Variants in MERTK observed in about 807,000 individuals in gnomAD.
The protein encoded by MERTK is tyrosine-protein kinase Mer.
MERTK carries 69 observed loss-of-function variants against 99.3 expected under a neutral mutation model. The ratio of observed to expected loss-of-function variants is 0.70; its 90% CI spans 0.57 to 0.85. The LOEUF (loss-of-function observed/expected upper bound fraction) is 0.85. MERTK is among the 40% of genes least tolerant of loss of function. The probability of loss-of-function intolerance (pLI) is 0.00; values close to 1 mark genes in which losing one functional copy is unlikely to be tolerated. For missense variants in MERTK, 1,125 were observed against 1,249.4 expected, an observed-to-expected ratio of 0.90 and a Z score of 1.50; for synonymous variants, 426 against 467.6, an observed-to-expected ratio of 0.91 and a Z score of 1.15.
At position 111,898,764 on chromosome 2, in the gene MERTK, T is replaced by C; in HGVS notation, c.29T>C (p.Leu10Pro). The C allele has an allele frequency of 1.2e-6, 2 of 1,604,548 alleles. No individual in the cohort carries two copies. The highest frequency in any genetic ancestry group is 1.7e-6 in the Non-Finnish European group (2 of 1,176,286). The change falls in exon 1 of 19, where the codon CTG becomes CCG. Residue 10 changes from leucine (L) to proline (P), a missense_variant. Coordinates refer to ENST00000295408, the MANE Select transcript of MERTK (RefSeq NM_006343.3). The part of the protein sequence containing the change: MGPAPLPLL[L>P]GLFLPALWRR... ...GGGCCGGCCCCGCTGCCGCTGCTGC[T>C]GGGCCTCTTCCTCCCCGCGCTCTGG...
At position 111,951,522 on chromosome 2, in the gene MERTK, C is replaced by CATAT. The variant is rs56410508; in HGVS notation, c.757+3979_757+3982dup. 3.2e-3 allele frequency among the ~76,000 whole-genome samples: 277 copies of CATAT among 85,852 alleles called. 18 individuals carry two copies. The highest frequency in any genetic ancestry group is 0.017 in the East Asian group (59 of 3,560). 56.3% of individuals were successfully genotyped at this position (85,852 alleles called of 152,430 possible). On this transcript the variant is annotated intron_variant, in intron 4 of 18. Transcript: ENST00000295408. ...TTTTGTACACGCTGAATAATATTCCCATATATATATATATATATATATATA... is the reference window on the plus strand; with the variant it reads ...TTTTGTACACGCTGAATAATATTCCCATATATATATATATATATATATATATATA...
At chr2:111,968,697 G>T (rs1379983874) in intron 6 of MERTK, among the ~76,000 whole-genome samples, 3 of 152,122 alleles carry the variant, frequency 2.0e-5, no homozygotes, top group East Asian at 3.8e-4. Flanking sequence ...GCCCGGCTAA[G>T]TTTGCATTTT....
intron 7 of MERTK, among the ~76,000 whole-genome samples, chr2:111,977,871 G>T (rs111260821): frequency 4.6e-5 from 7 of 151,994 alleles, no homozygotes; most frequent in African/African-American, 1.7e-4. Context: ...CTCATACACC[G>T]TAATTTTTAT....
At chr2:111,937,828 C>T (rs1684790673) in intron 2 of MERTK, among the ~76,000 whole-genome samples, 1 of 152,198 alleles carries the variant, frequency 6.6e-6, no homozygotes. Context: ...CTGTCGGCAC[C>T]ATGTGAACGG....
At chr2:111,997,510 G>A (rs778426526) in intron 10 of MERTK, 34 bp downstream of exon 10, 26 of 1,608,198 alleles carry the variant, frequency 1.6e-5, no homozygotes, top group Non-Finnish European at 2.0e-5. Context: ...TTGCCCACTG[G>A]TATTGACAAG....
chr2:111,970,811 TCC>T (rs1488172527), intron 6 of MERTK, among the ~76,000 whole-genome samples: 2 of 85,326 alleles, frequency 2.3e-5, no homozygotes, highest in South Asian at 5.3e-4. Flanking sequence ...CCCCTCCTCC[TCC>T]TCCTCCCTCC....
At chr2:111,993,170 T>C (rs779695745) in intron 8 of MERTK, among the ~76,000 whole-genome samples, 4 of 152,170 alleles carry the variant, frequency 2.6e-5, no homozygotes, top group Admixed American at 6.6e-5. Flanking sequence ...TGCTTGTTTT[T>C]TTCTGCAGGG....
chr2:111,973,277 C>G (rs928725679), intron 6 of MERTK, among the ~76,000 whole-genome samples: 1 of 152,084 alleles, frequency 6.6e-6, no homozygotes, highest in Non-Finnish European at 1.5e-5. Flanking sequence ...CCTCCACCTT[C>G]GCTTTGGTGG....
rs1553446636 is a variant in MERTK at position 111,925,275 on chromosome 2, G to GAGATATATATATATATATATATATAT, written c.62-3844_62-3843insGATATATATATATATATATATATATA. On this transcript the variant is annotated intron_variant, in intron 1 of 18. Coordinates refer to ENST00000295408, the MANE Select transcript of MERTK (RefSeq NM_006343.3). Reference sequence around the variant, plus strand: ...CTGGTAAATCAAATTGTACAGATCAGATATATATATATATATATTTTTTTT... The same window carrying GAGATATATATATATATATATATATAT: ...CTGGTAAATCAAATTGTACAGATCAGAGATATATATATATATATATATATATATATATATATATATATATTTTTTTT... 6.1e-4 allele frequency among the ~76,000 whole-genome samples: 32 copies of GAGATATATATATATATATATATATAT among 52,176 alleles called. 2 individuals carry two copies. The highest frequency in any genetic ancestry group is 2.9e-3 in the African/African-American group (30 of 10,494). The allele number at this position is 52,176 out of a possible 152,430, so 34.2% of individuals were successfully genotyped here.
In MERTK at chr2:111,997,474, T is replaced by C. The variant is rs758829783; in HGVS notation, c.1602T>C (p.Phe534=). 1.9e-6 allele frequency: 3 copies of C among 1,613,590 alleles called. No individual in the cohort carries two copies. Among genetic ancestry groups the C allele is most frequent in the South Asian group, 1.1e-5 (1 of 91,094 alleles). ...AIRKRVQETK[F]GNAFTEEDSE... Reference sequence around the variant, plus strand: ...GAAAAAGAGTCCAGGAGACAAAGTTTGGGTAAGTCTCCCAGCTAAAAATGT... The same window carrying C: ...GAAAAAGAGTCCAGGAGACAAAGTTCGGGTAAGTCTCCCAGCTAAAAATGT... The change falls in exon 10 of 19, where the codon TTT becomes TTC. Residue 534 remains phenylalanine, a splice_region_variant and synonymous_variant. Transcript: ENST00000295408.
Position 112,021,556 on chromosome 2 carries a change from G to T in MERTK, c.2324G>T (p.Arg775Leu). The T allele has an allele frequency of 2.0e-6, 3 of 1,512,598 alleles. No homozygotes were observed. Among genetic ancestry groups the T allele is most frequent in the Non-Finnish European group, 2.7e-6 (3 of 1,127,942 alleles). 93.7% of individuals were successfully genotyped at this position (1,512,598 alleles called of 1,614,324 possible). The change falls in exon 17 of 19, where the codon CGA (arginine) becomes CTA (leucine). Residue 775 changes from arginine (R) to leucine (L), a missense_variant. Physicochemically the swap from Arg to Leu is moderately radical, Grantham distance 102. Coordinates refer to ENST00000295408, the MANE Select transcript of MERTK (RefSeq NM_006343.3). ...ATCGCCATAGAAAGTCTTGCAGACC[G>T]AGTCTACACAAGTAAAAGTGATGTG... ...KWIAIESLAD[R>L]VYTSKSDVWA...
intron 17 of MERTK, 125 bp downstream of exon 17, chr2:112,021,706 C>T (rs1677354300): frequency 3.8e-6 from 3 of 799,638 alleles, no homozygotes; most frequent in Non-Finnish European, 6.0e-6. Context: ...GCAGCTTGCT[C>T]AGATCTCTTT....
At chr2:111,975,622 A>G in intron 7 of MERTK, 150 bp downstream of exon 7, 1 of 863,242 alleles carries the variant, frequency 1.2e-6, no homozygotes, top group Admixed American at 2.0e-5. Flanking sequence ...TGAAAATGGG[A>G]AAGATATTTC....
chr2:112,001,540 G>C (rs1278651633), intron 11 of MERTK, among the ~76,000 whole-genome samples: 1 of 152,202 alleles, frequency 6.6e-6, no homozygotes, highest in Non-Finnish European at 1.5e-5. Context: ...TGGCAGAAAA[G>C]AGGAACCTTC....
chr2:111,961,045 C>T (rs1047855043), intron 4 of MERTK, among the ~76,000 whole-genome samples: 32 of 151,670 alleles, frequency 2.1e-4, no homozygotes, highest in African/African-American at 7.3e-4. Flanking sequence ...TTCTAATTCA[C>T]TACACAAACT....
chr2:112,013,066 G>C (rs952717002), intron 15 of MERTK, among the ~76,000 whole-genome samples: 4 of 151,738 alleles, frequency 2.6e-5, no homozygotes, highest in Non-Finnish European at 4.4e-5. Context: ...TTCTTCCTAG[G>C]GACAGCTTAA....
At chr2:111,986,173 A>G (rs959716714) in intron 8 of MERTK, among the ~76,000 whole-genome samples, 7 of 152,252 alleles carry the variant, frequency 4.6e-5, no homozygotes, top group Non-Finnish European at 1.0e-4. Context: ...GTAAATGATC[A>G]TGGTATTAAT....
chr2:111,924,806 C>T (rs963566379), intron 1 of MERTK, among the ~76,000 whole-genome samples: 9 of 152,212 alleles, frequency 5.9e-5, no homozygotes, highest in Non-Finnish European at 1.2e-4. Context: ...CTTCAGTTTC[C>T]CACCACCTTT....
chr2:111,999,835 C>G (rs772533787), intron 10 of MERTK, among the ~76,000 whole-genome samples: 6 of 152,168 alleles, frequency 3.9e-5, no homozygotes, highest in Non-Finnish European at 7.3e-5. Context: ...ATCATTAGTT[C>G]TTACAGGTTT....
Sources: allele counts gnomAD v4.1 joint callset (sites outside exome capture counted in the v4.1 genomes callset), GRCh38; gene constraint gnomAD v4.1.1; transcripts MANE v1.5; gene names NCBI Gene and HGNC (gene_info 2026-07-23, HGNC 2026-07-21).